Variants in MBTPS1 observed in about 807,000 individuals in gnomAD.
MBTPS1 encodes membrane-bound transcription factor site-1 protease.
In MBTPS1, 94 loss-of-function variants were observed where a neutral mutation model predicts 127.8. The ratio of observed to expected loss-of-function variants is 0.74; its 90% confidence interval spans 0.62 to 0.87. The LOEUF (loss-of-function observed/expected upper bound fraction) is 0.87. Ranked by LOEUF, MBTPS1 falls within the 40% of genes least tolerant of loss-of-function variation. MBTPS1 has a pLI of 0.00. For missense variants in MBTPS1, 1,636 were observed against 1,353.2 expected, an observed-to-expected ratio of 1.21 and a Z score of -3.28; for synonymous variants, 632 against 509.4, an observed-to-expected ratio of 1.24 and a Z score of -3.24.
intron 1 of MBTPS1, among the ~76,000 whole-genome samples, chr16:84,107,316 T>C (rs1374681730): frequency 6.6e-6 from 1 of 152,198 alleles, no homozygotes; most frequent in African/African-American, 2.4e-5. Context: ...CCAGCCCACC[T>C]GCTCTAGTCA....
At chr16:84,068,171 C>T (rs188348198) in intron 15 of MBTPS1, among the ~76,000 whole-genome samples, 168 bp downstream of exon 15, 92 of 152,370 alleles carry the variant, frequency 6.0e-4, no homozygotes, top group African/African-American at 1.9e-3. Flanking sequence ...AATGTCACAC[C>T]GCCACCACCT....
intron 1 of MBTPS1, among the ~76,000 whole-genome samples, chr16:84,103,766 A>G (rs1358458789): frequency 6.6e-6 from 1 of 152,172 alleles, no homozygotes; most frequent in African/African-American, 2.4e-5. Context: ...TACTTTTACT[A>G]AAGAGGGACT....
At chr16:84,090,802 C>T (rs2086094145) in intron 8 of MBTPS1, 73 bp downstream of exon 8, 13 of 1,092,824 alleles carry the variant, frequency 1.2e-5, no homozygotes, top group Non-Finnish European at 1.8e-5. Flanking sequence ...GGTAGATACA[C>T]AAACAGATAA....
chr16:84,093,133 CTT>C (rs1433770578), intron 6 of MBTPS1, 53 bp downstream of exon 6: 1 of 1,192,266 alleles, frequency 8.4e-7, no homozygotes, highest in Non-Finnish European at 1.3e-6. Flanking sequence ...AGTGATTCTG[CTT>C]TTTACATTTC....
intron 17 of MBTPS1, 41 bp from the exon 18 acceptor site, chr16:84,065,808 CG>C (rs750568582): frequency 1.4e-4 from 175 of 1,210,328 alleles, no homozygotes; most frequent in Non-Finnish European, 1.9e-4. Context: ...ACAGGAACGC[CG>C]AACACTTTAA....
chr16:84,103,259 T>TTATTA (rs2086282368), intron 1 of MBTPS1, among the ~76,000 whole-genome samples: 2 of 147,990 alleles, frequency 1.4e-5, no homozygotes, highest in African/African-American at 5.0e-5. Context: ...TATTATTATT[T>TTATTA]TTTTTTTTTT....
At chr16:84,065,433 G>A (rs1176001236) in intron 18 of MBTPS1, among the ~76,000 whole-genome samples, 2 of 152,122 alleles carry the variant, frequency 1.3e-5, no homozygotes, top group East Asian at 3.8e-4. Flanking sequence ...AAACCAAAAT[G>A]TCGAATGGGC....
At chr16:84,057,372 G>A (rs911380871) in intron 21 of MBTPS1, 2 of 152,240 alleles carry the variant, frequency 1.3e-5, no homozygotes, top group Admixed American at 6.5e-5. Flanking sequence ...GTGATATCCT[G>A]TTCCAGAATC....
At chr16:84,099,572 T>G (rs1056034104) in intron 2 of MBTPS1, among the ~76,000 whole-genome samples, 1 of 151,700 alleles carries the variant, frequency 6.6e-6, no homozygotes, top group African/African-American at 2.4e-5. Context: ...GATTACGAGG[T>G]GAGGAGTTTG....
At position 84,114,505 on chromosome 16, in the gene MBTPS1, C is replaced by G. The variant is rs1008254275; in HGVS notation, c.-325+2230G>C. Reference sequence around the variant, plus strand: ...TTAGCTGGCCACACATAGGGCACCTCCAAACTTCTAACTTCCTTATTTTAC... The same window carrying G: ...TTAGCTGGCCACACATAGGGCACCTGCAAACTTCTAACTTCCTTATTTTAC... On this transcript the variant is annotated intron_variant, in intron 1 of 22. Coordinates refer to ENST00000343411, the MANE Select transcript of MBTPS1 (RefSeq NM_003791.4). Among the ~76,000 whole-genome samples, 6 of 152,028 alleles carry G rather than the reference C, an allele frequency of 3.9e-5. 1 individual carries two copies. Among genetic ancestry groups the G allele is most frequent in the African/African-American group, 7.2e-5 (3 of 41,384 alleles).
chr16:84,079,400 A>G (rs2085906552), intron 11 of MBTPS1, among the ~76,000 whole-genome samples: 1 of 152,212 alleles, frequency 6.6e-6, no homozygotes, highest in African/African-American at 2.4e-5. Context: ...GATGTGGGGG[A>G]AATCTAAAAA....
intron 1 of MBTPS1, among the ~76,000 whole-genome samples, chr16:84,107,716 T>G (rs2151172710): frequency 6.6e-6 from 1 of 151,334 alleles, no homozygotes; most frequent in East Asian, 1.9e-4. Context: ...CTATTTTTTT[T>G]TTTTTTGAGA....
chr16:84,076,370 T>G (rs1011457680), intron 11 of MBTPS1, among the ~76,000 whole-genome samples: 2 of 152,144 alleles, frequency 1.3e-5, no homozygotes, highest in African/African-American at 4.8e-5. Context: ...GCATTTCCAT[T>G]AAGATTAGGA....
At chr16:84,064,900 C>T (rs1019337169) in intron 18 of MBTPS1, among the ~76,000 whole-genome samples, 1 of 152,116 alleles carries the variant, frequency 6.6e-6, no homozygotes, top group African/African-American at 2.4e-5. Flanking sequence ...CTCTTTTCAT[C>T]GTTTTCAACT....
Position 84,066,522 on chromosome 16 carries a change from A to T in MBTPS1, c.2320T>A (p.Tyr774Asn). ...VWNMGFSDGL[Y>N]EGEFTLANHD... ...TTGGCCAGGGTGAACTCCCCTTCAT[A>T]CAGGCCATCGCTGAACCCCATGTTC... Residue 774 changes from tyrosine (Y) to asparagine (N), a missense_variant, in exon 17 of 23, where the codon TAT (tyrosine) becomes AAT (asparagine). Physicochemically the swap from Tyr to Asn is moderately radical, Grantham distance 143. Coordinates refer to ENST00000343411, the MANE Select transcript of MBTPS1 (RefSeq NM_003791.4). The T allele has an allele frequency of 6.2e-7, 1 of 1,614,154 alleles. No individual in the cohort carries two copies. The highest frequency in any genetic ancestry group is 8.5e-7 in the Non-Finnish European group (1 of 1,180,004).
chr16:84,078,784 C>G (rs188099604), intron 11 of MBTPS1, among the ~76,000 whole-genome samples: 1 of 152,184 alleles, frequency 6.6e-6, no homozygotes, highest in East Asian at 1.9e-4. Flanking sequence ...GAATCCAAAA[C>G]AATATCCACA....
rs754708059 is a variant in MBTPS1, at chr16:84,099,108, G to A, written c.366C>T (p.Asn122=). 2 of 1,614,158 alleles carry A rather than the reference G, an allele frequency of 1.2e-6. No homozygotes were observed. The highest frequency in any genetic ancestry group is 2.2e-5 in the East Asian group (1 of 44,884). Residue 122 remains asparagine (N), a synonymous_variant, in exon 3 of 23, where the codon AAC becomes AAT. Coordinates refer to ENST00000343411, the MANE Select transcript of MBTPS1 (RefSeq NM_003791.4). ...AGLLTLEDHP[N]IKRVTPQRKV... ...TTCGTTGGGGCGTGACCCGTTTGAT[G>A]TTTGGATGATCTTCAAGTGTTAGCA...
Position 84,107,896 on chromosome 16 carries a change from G to C in MBTPS1, c.-324-5789C>G, listed in dbSNP as rs1261188976. ...TTTTTTTTTTTTTTTGTAGAGATGGGGGTCTCACCTTGTTGCCCAGGCTGG... is the reference window on the plus strand; with the variant it reads ...TTTTTTTTTTTTTTTGTAGAGATGGCGGTCTCACCTTGTTGCCCAGGCTGG... On this transcript the variant is annotated intron_variant, in intron 1 of 22. Coordinates refer to ENST00000343411, the MANE Select transcript of MBTPS1 (RefSeq NM_003791.4). Among the ~76,000 whole-genome samples the C allele has an allele frequency of 1.0e-4, 15 of 150,142 alleles. No individual in the cohort carries two copies. In the East Asian group the frequency reaches 2.6e-3, roughly 26 times the overall value.
intron 4 of MBTPS1, 29 bp from the exon 5 acceptor site, chr16:84,093,850 TA>T: frequency 6.9e-7 from 1 of 1,440,106 alleles, no homozygotes; most frequent in South Asian, 1.1e-5. Flanking sequence ...CAAACACAAT[TA>T]TGTTTGAAGA....
Sources: allele counts gnomAD v4.1 joint callset (sites outside exome capture counted in the v4.1 genomes callset), GRCh38; gene constraint gnomAD v4.1.1; transcripts MANE v1.5; gene names NCBI Gene and HGNC (gene_info 2026-07-23, HGNC 2026-07-21).